ORC2: variants seen among roughly 807,000 people sequenced by gnomAD.
ORC2 encodes the protein origin recognition complex subunit 2.
A neutral mutation model predicts 77.7 loss-of-function variants in ORC2; 37 were observed. The ratio of observed to expected loss-of-function variants is 0.48; its 90% CI spans 0.37 to 0.63. The LOEUF (loss-of-function observed/expected upper bound fraction) is 0.63, where lower values mean the gene tolerates loss of function less well. ORC2 is among the 20% of genes least tolerant of loss of function. The probability of loss-of-function intolerance (pLI) is 0.00; values close to 1 mark genes in which losing one functional copy is unlikely to be tolerated. For missense variants in ORC2, 557 were observed against 661.9 expected, an observed-to-expected ratio of 0.84 and a Z score of 1.74; for synonymous variants, 201 against 229.5, an observed-to-expected ratio of 0.88 and a Z score of 1.12.
rs762042280 is a variant in ORC2 at position 200,941,495 on chromosome 2, TAA to T, written c.422-218_422-217del. On this transcript the variant is annotated intron_variant, in intron 6 of 17. Transcript: ENST00000234296. ...TGTGTCTATTCAAAAAATTAAAAAT[TAA>T]AAAAAAAAAAAAAAAGCAAAGTTGC... 6.7e-3 allele frequency among the ~76,000 whole-genome samples: 707 copies of T among 105,046 alleles called. 7 individuals carry two copies. Among genetic ancestry groups the T allele is most frequent in the African/African-American group, 0.022 (645 of 29,640 alleles). 68.9% of individuals were successfully genotyped at this position (105,046 alleles called of 152,430 possible).
intron 11 of ORC2, among the ~76,000 whole-genome samples, chr2:200,930,665 G>A (rs1164948610): frequency 1.3e-5 from 2 of 152,094 alleles, no homozygotes; most frequent in Non-Finnish European, 2.9e-5. Context: ...AACTGTGAGT[G>A]TGCATGTATA....
chr2:200,960,320 A>C (rs929580466), intron 1 of ORC2, among the ~76,000 whole-genome samples: 2 of 152,112 alleles, frequency 1.3e-5, no homozygotes, highest in South Asian at 4.1e-4. Flanking sequence ...AAAATTGTGG[A>C]CTTGGCTGTG....
chr2:200,939,571 C>T (rs768271535), intron 7 of ORC2, among the ~76,000 whole-genome samples: 1 of 152,108 alleles, frequency 6.6e-6, no homozygotes, highest in Non-Finnish European at 1.5e-5. Flanking sequence ...CTGTGTCTAC[C>T]AATCCTAAAA....
Position 200,942,737 on chromosome 2 carries a change from G to A in ORC2, c.369C>T (p.Phe123=), listed in dbSNP as rs1387759533. ...TAATCTCAGGATCATTCTTCAAACT[G>A]AATGAAACACTTTTTTGTGGTGTTT... is the stretch of plus-strand genomic sequence containing the variant. ...LAKTPQKSVS[F]SLKNDPEITI... Residue 123 remains phenylalanine, a synonymous_variant, in exon 6 of 18, where the codon TTC becomes TTT. Transcript: ENST00000234296. 2.5e-6 allele frequency: 4 copies of A among 1,610,298 alleles called. No homozygotes were observed. The highest frequency in any genetic ancestry group is 3.4e-6 in the Non-Finnish European group (4 of 1,178,020).
intron 15 of ORC2, among the ~76,000 whole-genome samples, chr2:200,918,893 C>T (rs2040707150): frequency 6.6e-6 from 1 of 152,052 alleles, no homozygotes; most frequent in Non-Finnish European, 1.5e-5. Context: ...TTTCTGGAGA[C>T]AGGGTCTTGC....
intron 5 of ORC2, 31 bp from the exon 6 acceptor site, chr2:200,942,808 T>C: frequency 5.8e-6 from 8 of 1,376,658 alleles, no homozygotes; most frequent in Non-Finnish European, 8.2e-6. Flanking sequence ...AAAAACCTTT[T>C]AAAGGACAAC....
rs1575145544 is a variant in ORC2 at position 200,911,455 on chromosome 2, G to A, written c.1648-68C>T. ...GGTATATGAACTCTTCTATTGTAGA[G>A]GCTAAAGAAAAAATGAATTTATTTC... On this transcript the variant is annotated intron_variant, in intron 17 of 17. Coordinates refer to ENST00000234296, the MANE Select transcript of ORC2 (RefSeq NM_006190.5). 9.8e-6 allele frequency: 8 copies of A among 816,962 alleles called. 1 individual carries two copies. The East Asian group carries it at 1.8e-4, about 18-fold the overall frequency. The allele number at this position is 816,962 out of a possible 1,614,324, so 50.6% of individuals were successfully genotyped here.
intron 13 of ORC2, chr2:200,921,375 G>C: frequency 4.0e-6 from 1 of 252,896 alleles, no homozygotes; most frequent in South Asian, 1.3e-4. Context: ...GGTTGGTCTT[G>C]AACTCCTGGA....
In ORC2 at chr2:200,935,715, A is replaced by T. The variant is rs1202007606; in HGVS notation, c.692T>A (p.Met231Lys). The T allele has an allele frequency of 6.2e-7, 1 of 1,604,342 alleles. No individual in the cohort carries two copies. The highest frequency in any genetic ancestry group is 8.5e-7 in the Non-Finnish European group (1 of 1,177,044). The change falls in exon 9 of 18, where the codon ATG becomes AAG. Residue 231 changes from methionine (M) to lysine (K), a missense_variant. Met to Lys is a moderately conservative substitution (Grantham distance 95, BLOSUM62 -1). Transcript: ENST00000234296. ...TTCACTTACTGTTTTATCTCTTTTCATTCTCTTAGAAGGTGTTTCTTTGCC... is the reference window on the plus strand; with the variant it reads ...TTCACTTACTGTTTTATCTCTTTTCTTTCTCTTAGAAGGTGTTTCTTTGCC... ...PVGKETPSKR[M>K]KRDKTSDLVE... is the part of the protein sequence containing the mutation.
intron 15 of ORC2, among the ~76,000 whole-genome samples, chr2:200,918,112 T>A (rs191864715): frequency 2.6e-5 from 4 of 152,332 alleles, no homozygotes; most frequent in African/African-American, 9.6e-5. Context: ...ACAACAAACA[T>A]CTGTTCAGTT....
intron 10 of ORC2, among the ~76,000 whole-genome samples, chr2:200,932,049 T>C (rs2124976711): frequency 6.6e-6 from 1 of 152,314 alleles, no homozygotes; most frequent in Admixed American, 6.5e-5. Context: ...AGTAAAATAT[T>C]ATTTAAATAC....
intron 3 of ORC2, 28 bp downstream of exon 3, chr2:200,958,002 C>A: frequency 7.8e-7 from 1 of 1,289,986 alleles, no homozygotes; most frequent in South Asian, 1.2e-5. Context: ...TAATAAGCAT[C>A]TCTTCAAATT....
intron 1 of ORC2, among the ~76,000 whole-genome samples, chr2:200,960,019 C>T (rs929343004): frequency 9.2e-5 from 14 of 151,730 alleles, no homozygotes; most frequent in Non-Finnish European, 1.8e-4. Flanking sequence ...GGTCTGGGCT[C>T]TGTCACCTAG....
In ORC2 at chr2:200,935,803, T is replaced by G. The variant is rs748085370; in HGVS notation, c.604A>C (p.Thr202Pro). ...EGVAQEHEED[T>P]NAVIFSQKIQ... ...TTTTGGCTGAATATGACTGCATTAG[T>G]GTCCTCTTCATGTTCCTGTGCAACC... is the stretch of plus-strand genomic sequence containing the variant. Residue 202 changes from threonine to proline, a missense_variant, in exon 9 of 18, where the codon ACT becomes CCT. Physicochemically the swap from Thr to Pro is conservative, Grantham distance 38 (BLOSUM62 -1). Transcript: ENST00000234296. 6.2e-7 allele frequency: 1 copy of G among 1,613,984 alleles called. No homozygotes were observed. The highest frequency in any genetic ancestry group is 8.5e-7 in the Non-Finnish European group (1 of 1,179,874).
At chr2:200,952,812 TA>T (rs562917701) in intron 4 of ORC2, among the ~76,000 whole-genome samples, 2,981 of 138,510 alleles carry the variant, frequency 0.022, 74 homozygotes, top group African/African-American at 0.063. Flanking sequence ...GCTTAAAAAT[TA>T]AAAAAAAAAA....
chr2:200,933,151 C>G lies in ORC2; in HGVS notation c.807+725G>C, dbSNP rs566683829. Reference sequence around the variant, plus strand: ...GATTATCAATTGCAATTATTACTGACAAAGATTTTCTCACTCAGATGGTTC... The same window carrying G: ...GATTATCAATTGCAATTATTACTGAGAAAGATTTTCTCACTCAGATGGTTC... On this transcript the variant is annotated intron_variant, in intron 10 of 17. Transcript: ENST00000234296. Among the ~76,000 whole-genome samples, 3 of 151,700 alleles carry G rather than the reference C, an allele frequency of 2.0e-5. No individual in the cohort carries two copies. In the East Asian group the frequency reaches 5.8e-4, roughly 29 times the overall value.
Position 200,911,424 on chromosome 2 carries a change from A to G in ORC2, c.1648-37T>C, listed in dbSNP as rs1338704543. The G allele has an allele frequency of 7.0e-6, 8 of 1,141,784 alleles. No homozygotes were observed. The Admixed American group carries it at 1.0e-4, about 15-fold the overall frequency. 70.7% of individuals were successfully genotyped at this position (1,141,784 alleles called of 1,614,324 possible). ...AAGAATACCTGTACGTTAGTCATTCATAAGAGGTATATGAACTCTTCTATT... is the reference window on the plus strand; with the variant it reads ...AAGAATACCTGTACGTTAGTCATTCGTAAGAGGTATATGAACTCTTCTATT... On this transcript the variant is annotated intron_variant, in intron 17 of 17. Coordinates refer to ENST00000234296, the MANE Select transcript of ORC2 (RefSeq NM_006190.5).
chr2:200,931,825 G>A (rs1203364483), intron 10 of ORC2, among the ~76,000 whole-genome samples: 2 of 152,064 alleles, frequency 1.3e-5, no homozygotes, highest in African/African-American at 4.8e-5. Context: ...TCCAAAAGCT[G>A]TTTCTAACAA....
intron 8 of ORC2, among the ~76,000 whole-genome samples, chr2:200,936,426 A>G (rs2041049555): frequency 6.6e-6 from 1 of 152,188 alleles, no homozygotes; most frequent in Admixed American, 6.5e-5. Flanking sequence ...CCCTATTTAT[A>G]CCCATCGTTT....
Sources: gnomAD v4.1 joint callset for allele counts (sites outside exome capture counted in the v4.1 genomes callset) on GRCh38, gnomAD v4.1.1 for gene constraint, MANE v1.5 for transcripts, NCBI Gene and HGNC (gene_info 2026-07-23, HGNC 2026-07-21) for gene names.